Variants in ARHGAP5 observed in about 807,000 individuals in gnomAD.
The protein encoded by ARHGAP5 is rho GTPase-activating protein 5.
In ARHGAP5, 23 loss-of-function variants were observed where a neutral mutation model predicts 116.6. That is an observed-to-expected ratio of 0.20 (90% CI 0.14 to 0.28). ARHGAP5 has a LOEUF of 0.28. Among genes scored for constraint, ARHGAP5 ranks in the 10% least tolerant of loss-of-function variants. The probability of loss-of-function intolerance (pLI) is 1.00; values close to 1 mark genes in which losing one functional copy is unlikely to be tolerated. For synonymous variants in ARHGAP5, 574 were observed against 602.0 expected, an observed-to-expected ratio of 0.95 and a Z score of 0.68; for missense variants, 1,405 against 1,774.8, an observed-to-expected ratio of 0.79 and a Z score of 3.74.
intron 1 of ARHGAP5, 96 bp downstream of exon 1, chr14:32,077,531 G>T: frequency 3.2e-6 from 2 of 630,044 alleles, no homozygotes; most frequent in Middle Eastern, 2.5e-4. Flanking sequence ...CGCCGCTGCC[G>T]GTTGTAACCA....
At chr14:32,086,118 A>G (rs548831284) in intron 1 of ARHGAP5, among the ~76,000 whole-genome samples, 72 of 152,152 alleles carry the variant, frequency 4.7e-4, no homozygotes, top group Admixed American at 1.8e-3. Flanking sequence ...GGTGTATAGT[A>G]AGTTAGGAAG....
Position 32,149,914 on chromosome 14 carries a change from A to C in ARHGAP5, c.3956A>C (p.Asn1319Thr), listed in dbSNP as rs752143320. ...QKQFDQDHNI[N>T]LVSMEVTVNA... ...TTTTGTCTTGTAGATCATAATATCA[A>C]TCTAGTGTCAATGGAAGTAACAGTA... is the stretch of plus-strand genomic sequence containing the variant. The change falls in exon 5 of 7, where the codon AAT (asparagine) becomes ACT (threonine). Residue 1319 changes from asparagine to threonine, a missense_variant. This residue lies in a region of ARHGAP5 where 176 missense variants were observed against 221.2 expected (regional missense o/e 0.80). Coordinates refer to ENST00000345122, the MANE Select transcript of ARHGAP5 (RefSeq NM_001030055.2). 2 of 1,547,592 alleles carry C rather than the reference A, an allele frequency of 1.3e-6. No homozygotes were observed. The highest frequency in any genetic ancestry group is 2.0e-5 in the Admixed American group (1 of 51,082).
chr14:32,095,676 A>G (rs769021099), intron 2 of ARHGAP5, among the ~76,000 whole-genome samples: 4 of 152,054 alleles, frequency 2.6e-5, no homozygotes, highest in Non-Finnish European at 4.4e-5. Flanking sequence ...TGGCCTCACA[A>G]AGTGCTGGGA....
intron 3 of ARHGAP5, among the ~76,000 whole-genome samples, chr14:32,143,324 C>T (rs1317156854): frequency 1.3e-5 from 2 of 151,284 alleles, no homozygotes; most frequent in African/African-American, 4.9e-5. Context: ...CTCACTGCAA[C>T]CTCCGCCTCC....
rs932500227 is a variant in ARHGAP5, at chr14:32,157,701, T to G, written c.*2753T>G. The G allele has an allele frequency of 5.3e-5, 8 of 151,790 alleles. No individual in the cohort carries two copies. Among genetic ancestry groups the G allele is most frequent in the Admixed American group, 5.2e-4 (8 of 15,254 alleles). The allele number at this position is 151,790 out of a possible 1,614,324, so 9.4% of individuals were successfully genotyped here. A position where few individuals can be genotyped will look rare whatever the true frequency, so the allele number is the denominator to read the frequency against. On this transcript the variant is annotated 3_prime_UTR_variant, in exon 7 of 7. Transcript: ENST00000345122. Reference sequence around the variant, plus strand: ...TTAAATGGTATTTGTTAGTAGTGCTTCTTCCCCTTAACATTTACAGTGTAA... The same window carrying G: ...TTAAATGGTATTTGTTAGTAGTGCTGCTTCCCCTTAACATTTACAGTGTAA...
intron 3 of ARHGAP5, among the ~76,000 whole-genome samples, chr14:32,119,178 C>T (rs185539347): frequency 1.2e-3 from 180 of 152,050 alleles, no homozygotes; most frequent in East Asian, 4.1e-3. Context: ...TAATTGCCTA[C>T]GAGATTGTTT....
intron 2 of ARHGAP5, among the ~76,000 whole-genome samples, chr14:32,115,066 C>T (rs1006571415): frequency 6.6e-6 from 1 of 152,090 alleles, no homozygotes; most frequent in African/African-American, 2.4e-5. Flanking sequence ...GCCTAATATC[C>T]TCTGAATTTC....
chr14:32,139,343 G>A (rs1019280646), intron 3 of ARHGAP5, among the ~76,000 whole-genome samples: 3 of 151,796 alleles, frequency 2.0e-5, no homozygotes, highest in East Asian at 1.9e-4. Flanking sequence ...CTTGTATTGG[G>A]CTTTTTTGTT....
Position 32,092,796 on chromosome 14 carries a change from G to C in ARHGAP5, c.2127G>C (p.Lys709Asn), listed in dbSNP as rs1176346935. ...CTAATCAGAGAGATTCCATTAGTAAGAATCTACCAATTCTCAGGCACCAAG... is the reference window on the plus strand; with the variant it reads ...CTAATCAGAGAGATTCCATTAGTAACAATCTACCAATTCTCAGGCACCAAG... ...ILANQRDSIS[K>N]NLPILRHQGQ... is the part of the protein sequence containing the mutation. The change falls in exon 2 of 7, where the codon AAG becomes AAC. Residue 709 changes from lysine (K) to asparagine (N), a missense_variant. Lys to Asn is a moderately conservative substitution (Grantham distance 94). Transcript: ENST00000345122. The surrounding 1 kb of genome is among the most constrained non-coding windows in gnomAD (Gnocchi z 4.1). 3.1e-6 allele frequency: 5 copies of C among 1,614,012 alleles called. No individual in the cohort carries two copies. The highest frequency in any genetic ancestry group is 2.5e-6 in the Non-Finnish European group (3 of 1,179,932).
chr14:32,097,562 A>G (rs1594351586), intron 2 of ARHGAP5, among the ~76,000 whole-genome samples: 1 of 152,158 alleles, frequency 6.6e-6, no homozygotes, highest in South Asian at 2.1e-4. Context: ...TTTTAATCAA[A>G]AAGAAGGCAA....
At chr14:32,102,347 A>G (rs546353951) in intron 2 of ARHGAP5, among the ~76,000 whole-genome samples, 6 of 152,256 alleles carry the variant, frequency 3.9e-5, no homozygotes, top group African/African-American at 1.4e-4. Flanking sequence ...CAGTCTGTCC[A>G]GGGTAGTAGA....
Position 32,093,441 on chromosome 14 carries a change from T to A in ARHGAP5, c.2772T>A (p.Tyr924Ter). 1 of 1,613,770 alleles carries A rather than the reference T, an allele frequency of 6.2e-7. No homozygotes were observed. The highest frequency in any genetic ancestry group is 8.5e-7 in the Non-Finnish European group (1 of 1,179,868). The change falls in exon 2 of 7, where the codon TAT (tyrosine) becomes TAA (stop). Residue 924 changes from tyrosine to a stop codon, truncating the protein, a stop_gained. Transcript: ENST00000345122. LOFTEE classifies it high-confidence loss of function. ...CAGCACTGTATTCTTTATCTCAGTA[T>A]CATCGGCAAACTGAGGTCTTTACTC... ...KFTALYSLSQ[Y>*]HRQTEVFTLF... is the part of the protein sequence containing the mutation.
At chr14:32,094,613 A>G (rs913219720) in intron 2 of ARHGAP5, among the ~76,000 whole-genome samples, 4 of 152,046 alleles carry the variant, frequency 2.6e-5, no homozygotes, top group Non-Finnish European at 5.9e-5. Flanking sequence ...TTCTTGGTGA[A>G]TGTGTTTTTT....
chr14:32,088,941 A>G (rs765191211), intron 1 of ARHGAP5, among the ~76,000 whole-genome samples: 4 of 151,936 alleles, frequency 2.6e-5, no homozygotes, highest in Non-Finnish European at 5.9e-5. Context: ...CAACTAGTAA[A>G]TGATAGGAGT....
At chr14:32,152,385 A>G in intron 5 of ARHGAP5, 38 bp from the exon 6 acceptor site, 3 of 1,345,068 alleles carry the variant, frequency 2.2e-6, no homozygotes, top group Non-Finnish European at 2.1e-6. Flanking sequence ...TTAAATGTGT[A>G]AGTTTTACAC....
At chr14:32,119,834 A>G (rs1036824606) in intron 3 of ARHGAP5, among the ~76,000 whole-genome samples, 1 of 152,136 alleles carries the variant, frequency 6.6e-6, no homozygotes, top group African/African-American at 2.4e-5. Context: ...CCTGGGATAA[A>G]TACCACTTGG....
At chr14:32,151,521 T>A (rs1473286921) in intron 5 of ARHGAP5, among the ~76,000 whole-genome samples, 2 of 152,284 alleles carry the variant, frequency 1.3e-5, no homozygotes, top group Non-Finnish European at 2.9e-5. Flanking sequence ...CGCCAGTTTT[T>A]GGCAGACTTT....
chr14:32,105,938 CGTGCATCAACA>C (rs1417745937), intron 2 of ARHGAP5, among the ~76,000 whole-genome samples: 3 of 152,128 alleles, frequency 2.0e-5, no homozygotes, highest in Non-Finnish European at 4.4e-5. Context: ...CAAGTTGTTG[CGTGCATCAACA>C]GTTTGTTCTT....
chr14:32,144,115 T>C (rs1009091677), intron 3 of ARHGAP5, among the ~76,000 whole-genome samples: 2 of 152,074 alleles, frequency 1.3e-5, no homozygotes, highest in African/African-American at 4.8e-5. Flanking sequence ...ACTACAGGAG[T>C]GCAAAGGAAG....
Sources: allele counts gnomAD v4.1 joint callset (sites outside exome capture counted in the v4.1 genomes callset), GRCh38; gene constraint gnomAD v4.1.1; regional missense constraint gnomAD v4.1.1; non-coding constraint Gnocchi (gnomAD v3.1); transcripts MANE v1.5; gene names NCBI Gene and HGNC (gene_info 2026-07-23, HGNC 2026-07-21).